SLC44A3: variants seen among roughly 807,000 people sequenced by gnomAD.
The protein encoded by SLC44A3 is solute carrier family 44 member 3.
In SLC44A3, 74 loss-of-function variants were observed where a neutral mutation model predicts 75.4. The observed-to-expected ratio is 0.98, with a 90% confidence interval of 0.81 to 1.19. The LOEUF (loss-of-function observed/expected upper bound fraction) is 1.19. Among genes scored for constraint, SLC44A3 ranks in the 50% most tolerant of loss-of-function variants. The pLI is 0.00. For synonymous variants in SLC44A3, 310 were observed against 296.9 expected (o/e 1.04, Z -0.45); for missense variants, 700 against 778.6 (o/e 0.90, Z 1.20).
chr1:94,821,194 C>T (rs779970995), intron 2 of SLC44A3, 138 bp downstream of exon 2: 6 of 719,598 alleles, frequency 8.3e-6, no homozygotes, highest in East Asian at 2.8e-5. Flanking sequence ...TCAGTTTGTA[C>T]TCGGGAGAAT....
At position 94,864,873 on chromosome 1, in the gene SLC44A3, T is replaced by C. The variant is rs1666981476; in HGVS notation, c.1369T>C (p.Tyr457His). 1 of 1,614,002 alleles carries C rather than the reference T, an allele frequency of 6.2e-7. No homozygotes were observed. Among genetic ancestry groups the C allele is most frequent in the Non-Finnish European group, 8.5e-7 (1 of 1,179,922 alleles). ...GAGGATTCCGAGAATCATTGTCATG[T>C]ACATGCAAAACGCACTGAAAGAACA... The part of the protein sequence containing the change: ...VVRIPRIIVM[Y>H]MQNALKEQQH... The change falls in exon 11 of 15, where the codon TAC (tyrosine) becomes CAC (histidine). Residue 457 changes from tyrosine to histidine, a missense_variant. By Grantham distance (83) the Tyr-to-His change is moderately conservative. Transcript: ENST00000271227.
chr1:94,882,353 C>G (rs1669096805), intron 12 of SLC44A3, among the ~76,000 whole-genome samples: 1 of 152,170 alleles, frequency 6.6e-6, no homozygotes, highest in African/African-American at 2.4e-5. Context: ...GGGAGTGGCG[C>G]TCACTAATAG....
At chr1:94,821,120 TCC>T (rs1660519509) in intron 2 of SLC44A3, 64 bp downstream of exon 2, 4 of 200,798 alleles carry the variant, frequency 2.0e-5, no homozygotes, top group East Asian at 7.4e-5. Flanking sequence ...AATAACTCTG[TCC>T]CAAATGTAAA....
chr1:94,892,280 G>A lies in SLC44A3; in HGVS notation c.1621-1G>A, dbSNP rs1166591247. 6.2e-7 allele frequency: 1 copy of A among 1,612,470 alleles called. No individual in the cohort carries two copies. Among genetic ancestry groups the A allele is most frequent in the Non-Finnish European group, 8.5e-7 (1 of 1,179,204 alleles). On this transcript the variant is annotated splice_acceptor_variant, in intron 13 of 14. Transcript: ENST00000271227. LOFTEE classifies it high-confidence loss of function. ...TTTCAACAAACTCTTCTTTTGCACA[G>A]GTGTTAGTGGTGTGTTTCACTGTTT...
rs117543620 is a variant in SLC44A3 at position 94,846,700 on chromosome 1, A to G, written c.1072+1236A>G. 7.3e-4 allele frequency among the ~76,000 whole-genome samples: 111 copies of G among 152,342 alleles called. 2 individuals carry two copies. The East Asian group carries it at 0.019, about 26-fold the overall frequency. On this transcript the variant is annotated intron_variant, in intron 9 of 14. Transcript: ENST00000271227. ...CTCTGTTTGATTTTCTTAAGGCCCA[A>G]ATTCAGTACACATGGATGCAAGTAC...
Position 94,828,569 on chromosome 1 carries a change from G to A in SLC44A3, c.492G>A (p.Arg164=), listed in dbSNP as rs530127822. 6.4e-5 allele frequency: 104 copies of A among 1,613,648 alleles called. 1 individual carries two copies. In the South Asian group the frequency reaches 1.1e-3, roughly 17 times the overall value. Residue 164 remains arginine (R), a synonymous_variant, in exon 5 of 15, where the codon AGG becomes AGA. Transcript: ENST00000271227. ...CAAAAGCAGACTCACTGTGTCCCAG[G>A]CTACCAGTTCCTCCAAGGTAAAAGC... ...HSPKADSLCP[R]LPVPPSKSFP... is the part of the protein sequence containing the mutation.
chr1:94,887,449 A>C (rs1557891623), intron 12 of SLC44A3, among the ~76,000 whole-genome samples: 1 of 152,186 alleles, frequency 6.6e-6, no homozygotes, highest in Non-Finnish European at 1.5e-5. Flanking sequence ...TTTCTCTATC[A>C]GAGTGCTTTT....
chr1:94,822,041 T>A (rs1358871963), intron 2 of SLC44A3, among the ~76,000 whole-genome samples: 1 of 152,218 alleles, frequency 6.6e-6, no homozygotes, highest in Non-Finnish European at 1.5e-5. Context: ...TACAATACCT[T>A]CTGCTTAACT....
chr1:94,875,558 G>C (rs964349467), intron 12 of SLC44A3, among the ~76,000 whole-genome samples: 2 of 152,144 alleles, frequency 1.3e-5, no homozygotes, highest in Non-Finnish European at 2.9e-5. Context: ...TACACAGTAT[G>C]TCTACATGAG....
chr1:94,827,780 T>C (rs1483231966), intron 4 of SLC44A3, 137 bp downstream of exon 4: 1 of 1,043,506 alleles, frequency 9.6e-7, no homozygotes, highest in East Asian at 2.4e-5. Flanking sequence ...TCTTTTTGTG[T>C]GGAAAAGGCC....
At chr1:94,864,595 G>A (rs939539070) in intron 10 of SLC44A3, 148 bp from the exon 11 acceptor site, 12 of 633,372 alleles carry the variant, frequency 1.9e-5, no homozygotes, top group African/African-American at 1.7e-4. Flanking sequence ...CAATTTAACC[G>A]AAGCTACCAA....
rs1666029482 is a variant in SLC44A3 at position 94,857,504 on chromosome 1, G to A, written c.1238+4G>A. On this transcript the variant is annotated splice_donor_region_variant and intron_variant, in intron 10 of 14. Coordinates refer to ENST00000271227, the MANE Select transcript of SLC44A3 (RefSeq NM_001114106.3). ...TGGTTACTTGTTATTTCAACAGGTA[G>A]GTCCAGTGTTTTTTTTCTATTGGTT... The A allele has an allele frequency of 6.2e-7, 1 of 1,604,362 alleles. No individual in the cohort carries two copies. The highest frequency in any genetic ancestry group is 1.3e-5 in the African/African-American group (1 of 74,388).
At chr1:94,882,456 G>C (rs1669109514) in intron 12 of SLC44A3, among the ~76,000 whole-genome samples, 1 of 152,198 alleles carries the variant, frequency 6.6e-6, no homozygotes, top group Non-Finnish European at 1.5e-5. Context: ...CCATGTCACA[G>C]GTCCACTGTT....
At position 94,864,851 on chromosome 1, in the gene SLC44A3, G is replaced by A; in HGVS notation, c.1347G>A (p.Arg449=). Residue 449 remains arginine (R), a synonymous_variant, in exon 11 of 15, where the codon AGG becomes AGA. Coordinates refer to ENST00000271227, the MANE Select transcript of SLC44A3 (RefSeq NM_001114106.3). ...VKGSFLISVV[R]IPRIIVMYMQ... ...GGTCATTTTTAATCTCTGTGGTGAG[G>A]ATTCCGAGAATCATTGTCATGTACA... is the stretch of plus-strand genomic sequence containing the variant. 1 of 1,613,940 alleles carries A rather than the reference G, an allele frequency of 6.2e-7. No homozygotes were observed. Among genetic ancestry groups the A allele is most frequent in the East Asian group, 2.2e-5 (1 of 44,870 alleles).
chr1:94,828,693 C>A, intron 5 of SLC44A3, 107 bp downstream of exon 5: 1 of 963,928 alleles, frequency 1.0e-6, no homozygotes. Flanking sequence ...TCAGAAGAGC[C>A]CCTGCCTGCA....
intron 9 of SLC44A3, among the ~76,000 whole-genome samples, chr1:94,848,712 C>G (rs780225360): frequency 4.6e-5 from 7 of 152,078 alleles, no homozygotes; most frequent in Non-Finnish European, 7.3e-5. Flanking sequence ...GAGGTCGACT[C>G]TCTGCCCTCA....
intron 12 of SLC44A3, 93 bp from the exon 13 acceptor site, chr1:94,891,037 G>T (rs887543214): frequency 1.8e-6 from 2 of 1,102,694 alleles, no homozygotes; most frequent in African/African-American, 1.6e-5. Flanking sequence ...TAGGTTTATT[G>T]TAACTCTAGT....
intron 6 of SLC44A3, among the ~76,000 whole-genome samples, chr1:94,838,234 G>C (rs1027858979): frequency 2.6e-5 from 4 of 152,224 alleles, no homozygotes; most frequent in African/African-American, 9.6e-5. Flanking sequence ...GCCTCCACCT[G>C]TAGGTGGATC....
intron 12 of SLC44A3, among the ~76,000 whole-genome samples, chr1:94,870,491 G>T (rs375443222): frequency 6.6e-6 from 1 of 152,200 alleles, no homozygotes; most frequent in Admixed American, 6.5e-5. Context: ...GTCACTGGGA[G>T]AGGTCATTTG....
Sources: gnomAD v4.1 joint callset for allele counts (sites outside exome capture counted in the v4.1 genomes callset) on GRCh38, gnomAD v4.1.1 for gene constraint, MANE v1.5 for transcripts, NCBI Gene and HGNC (gene_info 2026-07-23, HGNC 2026-07-21) for gene names.